Variants in ARHGAP22 observed in about 807,000 individuals in gnomAD.
ARHGAP22 encodes the protein rho GTPase-activating protein 22.
ARHGAP22 carries 48 observed loss-of-function variants against 59.1 expected under a neutral mutation model. That is an observed-to-expected ratio of 0.81 (90% CI 0.64 to 1.03). ARHGAP22 has a LOEUF of 1.03. Ranked by LOEUF, ARHGAP22 falls within the 50% of genes least tolerant of loss-of-function variation. ARHGAP22 has a pLI of 0.00. For synonymous variants in ARHGAP22, 445 were observed against 416.4 expected (o/e 1.07, Z -0.84); for missense variants, 1,015 against 958.7 (o/e 1.06, Z -0.78).
chr10:48,600,231 G>A (rs2060300984), intron 1 of ARHGAP22, among the ~76,000 whole-genome samples: 1 of 152,200 alleles, frequency 6.6e-6, no homozygotes, highest in Non-Finnish European at 1.5e-5. Flanking sequence ...GAAAGTGGAA[G>A]GACTGTTTGT....
rs2060589931 is a variant in ARHGAP22 at position 48,604,792 on chromosome 10, A to G, written c.5T>C (p.Leu2Pro). 6.2e-7 allele frequency: 1 copy of G among 1,614,190 alleles called. No homozygotes were observed. Among genetic ancestry groups the G allele is most frequent in the Non-Finnish European group, 8.5e-7 (1 of 1,180,028 alleles). Reference sequence around the variant, plus strand: ...CCTGGCCTGCCTGATCTTTGGGCTCAGCATGTTCTTGCAGCCGTCCGGCCA... The same window carrying G: ...CCTGGCCTGCCTGATCTTTGGGCTCGGCATGTTCTTGCAGCCGTCCGGCCA... M[L>P]SPKIRQARRA... Residue 2 changes from leucine to proline, a missense_variant, in exon 1 of 10, where the codon CTG becomes CCG. By Grantham distance (98) the Leu-to-Pro change is moderately conservative. Transcript: ENST00000249601.
chr10:48,492,989 C>T (rs2050555539), intron 3 of ARHGAP22, among the ~76,000 whole-genome samples: 1 of 152,250 alleles, frequency 6.6e-6, no homozygotes, highest in South Asian at 2.1e-4. Flanking sequence ...TATATTTGTA[C>T]AAAGTCTTAA....
Position 48,450,663 on chromosome 10 carries a change from A to G in ARHGAP22, c.1466T>C (p.Leu489Pro), listed in dbSNP as rs1452151724. The G allele has an allele frequency of 6.5e-7, 1 of 1,550,168 alleles. No homozygotes were observed. The highest frequency in any genetic ancestry group is 8.7e-7 in the Non-Finnish European group (1 of 1,147,060). ...CGCGGGCACATTGTCGTAGGTGGAG[A>G]GTCTCTGCACGGAGCCCGAGTCCTT... is the stretch of plus-strand genomic sequence containing the variant. ...RLKDSGSVQR[L>P]STYDNVPAPG... Residue 489 changes from leucine to proline, a missense_variant, in exon 9 of 10, where the codon CTC becomes CCC. Coordinates refer to ENST00000249601, the MANE Select transcript of ARHGAP22 (RefSeq NM_021226.4).
intron 2 of ARHGAP22, among the ~76,000 whole-genome samples, chr10:48,577,464 G>C (rs2058792334): frequency 6.6e-6 from 1 of 152,158 alleles, no homozygotes; most frequent in Non-Finnish European, 1.5e-5. Flanking sequence ...ACACAGGAGG[G>C]TCCACCTCCG....
chr10:48,475,293 C>T (rs965652831), intron 4 of ARHGAP22, among the ~76,000 whole-genome samples: 1 of 152,128 alleles, frequency 6.6e-6, no homozygotes, highest in Admixed American at 6.5e-5. Flanking sequence ...TTTCTCACCC[C>T]TCTGCTGTCC....
At chr10:48,611,679 G>A (rs760114680) in intron 1 of ARHGAP22, among the ~76,000 whole-genome samples, 5 of 151,776 alleles carry the variant, frequency 3.3e-5, no homozygotes, top group Non-Finnish European at 5.9e-5. Flanking sequence ...AATTTCCCAG[G>A]TGCCTTCTCT....
chr10:48,524,683 C>G (rs1373082032), intron 3 of ARHGAP22, among the ~76,000 whole-genome samples: 2 of 152,158 alleles, frequency 1.3e-5, no homozygotes, highest in African/African-American at 4.8e-5. Context: ...AGTTTCCCAG[C>G]TCACCTGTAC....
At chr10:48,459,232 C>A (rs1350563278) in intron 5 of ARHGAP22, among the ~76,000 whole-genome samples, 1 of 152,106 alleles carries the variant, frequency 6.6e-6, no homozygotes, top group Non-Finnish European at 1.5e-5. Context: ...GGAGGAGACT[C>A]GCTCTCCTGT....
intron 1 of ARHGAP22, among the ~76,000 whole-genome samples, chr10:48,627,100 C>T (rs1286476898): frequency 1.3e-5 from 2 of 152,174 alleles, no homozygotes; most frequent in African/African-American, 4.8e-5. Context: ...GCGGGTTGTG[C>T]ATGAAGAGTG....
At chr10:48,524,430 C>T (rs1251833718) in intron 3 of ARHGAP22, among the ~76,000 whole-genome samples, 2 of 151,946 alleles carry the variant, frequency 1.3e-5, no homozygotes, top group Non-Finnish European at 2.9e-5. Flanking sequence ...CGTTACTCTC[C>T]CGGGGTGCCG....
chr10:48,432,972 T>TACC, the ARHGAP22 span, among the ~76,000 whole-genome samples: 1 of 152,194 alleles, frequency 6.6e-6, no homozygotes, highest in East Asian at 1.9e-4. Flanking sequence ...ATAACCACAG[T>TACC]ACCATTTCCA....
intron 3 of ARHGAP22, among the ~76,000 whole-genome samples, chr10:48,520,414 G>A (rs570476977): frequency 1.2e-4 from 18 of 152,320 alleles, no homozygotes; most frequent in African/African-American, 3.4e-4. Context: ...GAGCAGGCCC[G>A]CAGGTGCTCA....
intron 4 of ARHGAP22, among the ~76,000 whole-genome samples, chr10:48,474,933 C>G (rs2048571213): frequency 6.6e-6 from 1 of 152,152 alleles, no homozygotes; most frequent in Admixed American, 6.5e-5. Context: ...CCTACACCAT[C>G]AATCTTTTGC....
rs1360503066 is a variant in ARHGAP22, at chr10:48,577,859, C to T, written c.234+5094G>A. 2.5e-5 allele frequency among the ~76,000 whole-genome samples: 3 copies of T among 119,306 alleles called. No homozygotes were observed. In the East Asian group the frequency reaches 8.8e-4, roughly 35 times the overall value. The allele number at this position is 119,306 out of a possible 152,430, so 78.3% of individuals were successfully genotyped here. On this transcript the variant is annotated intron_variant, in intron 2 of 9. Transcript: ENST00000249601. ...ACAGAGTCTCGCTCTGCTGCCCAGG[C>T]TGAAGTGCAGTAGCGCTTATCTTGT...
At chr10:48,618,541 A>G (rs1589192516) in intron 1 of ARHGAP22, among the ~76,000 whole-genome samples, 1 of 152,294 alleles carries the variant, frequency 6.6e-6, no homozygotes, top group East Asian at 1.9e-4. Flanking sequence ...GTGGTTCAAC[A>G]TATGCAAATC....
Position 48,454,158 on chromosome 10 carries a change from T to C in ARHGAP22, c.796A>G (p.Thr266Ala), listed in dbSNP as rs1564675664. 1.2e-6 allele frequency: 2 copies of C among 1,613,560 alleles called. No homozygotes were observed. The highest frequency in any genetic ancestry group is 1.7e-5 in the Admixed American group (1 of 60,004). Residue 266 changes from threonine to alanine, a missense_variant, in exon 7 of 10, where the codon ACT becomes GCT. Physicochemically the swap from Thr to Ala is moderately conservative, Grantham distance 58. Coordinates refer to ENST00000249601, the MANE Select transcript of ARHGAP22 (RefSeq NM_021226.4). ...QLLTKDEGEG[T>A]LELAKQVSNL... is the part of the protein sequence containing the mutation. ...CTCACTTGTTTAGCCAACTCCAGAG[T>C]GCCCTTAGGAATGAAGAACAGAATT... is the stretch of plus-strand genomic sequence containing the variant.
At position 48,450,684 on chromosome 10, in the gene ARHGAP22, T is replaced by C; in HGVS notation, c.1445A>G (p.Asp482Gly). Residue 482 changes from aspartate (D) to glycine (G), a missense_variant, in exon 9 of 10, where the codon GAC (aspartate) becomes GGC (glycine). Asp to Gly is a moderately conservative substitution (Grantham distance 94, BLOSUM62 -1). Coordinates refer to ENST00000249601, the MANE Select transcript of ARHGAP22 (RefSeq NM_021226.4). ...RRASSGDRLKDSGSVQRLSTY... is the reference protein window; with the variant it reads ...RRASSGDRLKGSGSVQRLSTY... ...GGAGAGTCTCTGCACGGAGCCCGAG[T>C]CCTTGAGCCGGTCTCCCGACGAGGC... The C allele has an allele frequency of 6.4e-7, 1 of 1,551,016 alleles. No homozygotes were observed. Among genetic ancestry groups the C allele is most frequent in the Non-Finnish European group, 8.7e-7 (1 of 1,147,556 alleles).
chr10:48,651,170 G>A (rs186559469), intron 1 of ARHGAP22, among the ~76,000 whole-genome samples: 78 of 152,270 alleles, frequency 5.1e-4, no homozygotes, highest in African/African-American at 1.8e-3. Flanking sequence ...TCTGGAGGGG[G>A]AGCCTGGGAA....
At chr10:48,639,499 A>C (rs2061955167) in intron 1 of ARHGAP22, among the ~76,000 whole-genome samples, 1 of 152,242 alleles carries the variant, frequency 6.6e-6, no homozygotes, top group Non-Finnish European at 1.5e-5. Context: ...ATCTATGGGC[A>C]GAGAATAGAG....
Sources: gnomAD v4.1 joint callset for allele counts (sites outside exome capture counted in the v4.1 genomes callset) on GRCh38, gnomAD v4.1.1 for gene constraint, MANE v1.5 for transcripts, NCBI Gene and HGNC (gene_info 2026-07-23, HGNC 2026-07-21) for gene names.